EVC: variants seen among roughly 807,000 people sequenced by gnomAD.
EVC encodes evC complex member EVC.
EVC carries 116 observed loss-of-function variants against 118.9 expected under a neutral mutation model. The observed-to-expected ratio is 0.98, with a 90% CI of 0.84 to 1.14. EVC has a LOEUF of 1.14. EVC is among the 50% of genes most tolerant of loss of function. EVC has a pLI of 0.00. For missense variants in EVC, 1,401 were observed against 1,246.4 expected, an observed-to-expected ratio of 1.12 and a Z score of -1.87; for synonymous variants, 619 against 534.7, an observed-to-expected ratio of 1.16 and a Z score of -2.18.
chr4:5,808,346 G>A lies in EVC; in HGVS notation c.2688+19G>A, dbSNP rs1716343977. 6.2e-7 allele frequency: 1 copy of A among 1,614,044 alleles called. No homozygotes were observed. The highest frequency in any genetic ancestry group is 1.7e-5 in the Admixed American group (1 of 59,996). On this transcript the variant is annotated intron_variant, in intron 18 of 20. Coordinates refer to ENST00000264956, the MANE Select transcript of EVC (RefSeq NM_153717.3). ...GCTACAGGTACAAGTTACAGAACTG[G>A]ACCTTCCAAAAGCAGTGGTTTAAAG...
At chr4:5,716,988 C>A (rs902614804) in intron 1 of EVC, among the ~76,000 whole-genome samples, 4 of 151,160 alleles carry the variant, frequency 2.6e-5, no homozygotes, top group African/African-American at 7.2e-5. Flanking sequence ...AGTCATTTGT[C>A]ATCCACGGTG....
rs1336644331 is a variant in EVC, at chr4:5,798,817, G to A, written c.2304+25G>A. ...GGTATGCACTGACCTCTGTCCCTGG[G>A]GACACCGAGGGCAAGAATGTTCAGG... is the stretch of plus-strand genomic sequence containing the variant. On this transcript the variant is annotated intron_variant, in intron 15 of 20. Coordinates refer to ENST00000264956, the MANE Select transcript of EVC (RefSeq NM_153717.3). The surrounding 1 kb of genome is among the most constrained non-coding windows in gnomAD (Gnocchi z 4.1). The A allele has an allele frequency of 6.2e-7, 1 of 1,601,990 alleles. No homozygotes were observed. The highest frequency in any genetic ancestry group is 1.7e-5 in the Admixed American group (1 of 58,904).
intron 11 of EVC, among the ~76,000 whole-genome samples, chr4:5,757,921 C>G (rs1008774605): frequency 1.3e-5 from 2 of 152,152 alleles, no homozygotes. Flanking sequence ...CAATTTAGTC[C>G]AAACAGTGTC....
rs181162026 is a variant in EVC at position 5,784,563 on chromosome 4, A to G, written c.1776+799A>G. Among the ~76,000 whole-genome samples the G allele has an allele frequency of 4.4e-3, 665 of 152,012 alleles. 5 individuals are homozygous for G. Among genetic ancestry groups the G allele is most frequent in the African/African-American group, 0.015 (638 of 41,454 alleles). On this transcript the variant is annotated intron_variant, in intron 12 of 20. Coordinates refer to ENST00000264956, the MANE Select transcript of EVC (RefSeq NM_153717.3). ...GTTGTTTTCAGCTACAGCTTGTAGCAATGTGGAACAGCAGCAATAGGAAAC... is the reference window on the plus strand; with the variant it reads ...GTTGTTTTCAGCTACAGCTTGTAGCGATGTGGAACAGCAGCAATAGGAAAC...
At chr4:5,770,169 C>A (rs1455655014) in intron 11 of EVC, among the ~76,000 whole-genome samples, 1 of 152,112 alleles carries the variant, frequency 6.6e-6, no homozygotes, top group Non-Finnish European at 1.5e-5. Flanking sequence ...CAGAGTGTCA[C>A]CAAGCAGGGA....
downstream of EVC, among the ~76,000 whole-genome samples, chr4:5,817,041 T>A (rs1577691612): frequency 6.6e-6 from 1 of 152,194 alleles, no homozygotes; most frequent in South Asian, 2.1e-4. Flanking sequence ...AAGGAATCAG[T>A]GAGGCTGAGG....
chr4:5,817,676 G>A (rs1717918474), downstream of EVC, among the ~76,000 whole-genome samples: 1 of 152,184 alleles, frequency 6.6e-6, no homozygotes, highest in African/African-American at 2.4e-5. Context: ...CTGTCAATGG[G>A]CATCACGGCC....
chr4:5,802,696 TA>T lies in EVC; in HGVS notation c.2449+603del, dbSNP rs145285751. On this transcript the variant is annotated intron_variant, in intron 16 of 20. Coordinates refer to ENST00000264956, the MANE Select transcript of EVC (RefSeq NM_153717.3). ...GATCCCTCGCATGTGCAGTTTGAAA[TA>T]GGGTTCACGCTCCTATGAGACTCTG... Among the ~76,000 whole-genome samples, 113 of 152,212 alleles carry T rather than the reference TA, an allele frequency of 7.4e-4. 2 individuals are homozygous for T. The East Asian group carries it at 0.02, about 27-fold the overall frequency.
At chr4:5,725,476 G>A (rs1056687735) in intron 2 of EVC, among the ~76,000 whole-genome samples, 6 of 152,154 alleles carry the variant, frequency 3.9e-5, no homozygotes, top group African/African-American at 1.4e-4. Flanking sequence ...AATGATCAGT[G>A]ATGTTGAGCT....
At chr4:5,729,413 T>C in intron 3 of EVC, 23 bp downstream of exon 3, 1 of 1,608,902 alleles carries the variant, frequency 6.2e-7, no homozygotes, top group Non-Finnish European at 8.5e-7. Context: ...AGCTCCATCA[T>C]AGAAAGCCAG....
intron 11 of EVC, among the ~76,000 whole-genome samples, chr4:5,776,026 T>G (rs1246583343): frequency 2.0e-5 from 3 of 151,996 alleles, no homozygotes; most frequent in Non-Finnish European, 4.4e-5. Context: ...TAGCTGTTGT[T>G]TTTTTTTAAT....
Position 5,810,343 on chromosome 4 carries a change from G to C in EVC, c.2787G>C (p.Lys929Asn). The C allele has an allele frequency of 6.2e-7, 1 of 1,612,918 alleles. No homozygotes were observed. The highest frequency in any genetic ancestry group is 1.1e-5 in the South Asian group (1 of 90,740). ...GGGTTCATCTGTCCTCTACAGAGAA[G>C]CCCCTAAGGACTAAAAGGAAGAAGC... The part of the protein sequence containing the change: ...LLPAKRGLLE[K>N]PLRTKRKKPL... The change falls in exon 20 of 21, where the codon AAG becomes AAC. Residue 929 changes from lysine to asparagine, a missense_variant. Physicochemically the swap from Lys to Asn is moderately conservative, Grantham distance 94. Transcript: ENST00000264956.
intron 11 of EVC, among the ~76,000 whole-genome samples, chr4:5,776,197 A>G (rs1343302412): frequency 6.6e-6 from 1 of 151,664 alleles, no homozygotes; most frequent in African/African-American, 2.4e-5. Context: ...TGATTTGGTA[A>G]TGTTATTAAC....
intron 12 of EVC, among the ~76,000 whole-genome samples, chr4:5,784,915 A>AT (rs1736196459): frequency 6.6e-6 from 1 of 152,008 alleles, no homozygotes; most frequent in Non-Finnish European, 1.5e-5. Flanking sequence ...GCCCAGATTG[A>AT]TTTTATCTTT....
chr4:5,743,800 A>G lies in EVC; in HGVS notation c.802-1404A>G, dbSNP rs982547170. On this transcript the variant is annotated intron_variant, in intron 6 of 20. Coordinates refer to ENST00000264956, the MANE Select transcript of EVC (RefSeq NM_153717.3). This position sits in a 1 kb window ranked among gnomAD's most constrained non-coding sequence, Gnocchi z 4.7. ...CATTATTTCATTTAATAGTTATGACAGCCCTGTGAGTGGCCATTGTTATTT... is the reference window on the plus strand; with the variant it reads ...CATTATTTCATTTAATAGTTATGACGGCCCTGTGAGTGGCCATTGTTATTT... Among the ~76,000 whole-genome samples, 1 of 152,210 alleles carries G rather than the reference A, an allele frequency of 6.6e-6. No homozygotes were observed. Among genetic ancestry groups the G allele is most frequent in the African/African-American group, 2.4e-5 (1 of 41,462 alleles).
Position 5,756,198 on chromosome 4 carries a change from C to A in EVC, c.1465-66C>A, listed in dbSNP as rs1328999888. On this transcript the variant is annotated intron_variant, in intron 10 of 20. Transcript: ENST00000264956. The surrounding 1 kb of genome is among the most constrained non-coding windows in gnomAD (Gnocchi z 4.2). ...TGAGATGCAGGGGATGGTTGGAGAACCTTCTGGAAAAAAAAAAAAAAACCC... is the reference window on the plus strand; with the variant it reads ...TGAGATGCAGGGGATGGTTGGAGAAACTTCTGGAAAAAAAAAAAAAAACCC... 19 of 1,276,946 alleles carry A rather than the reference C, an allele frequency of 1.5e-5. No individual in the cohort carries two copies. The African/African-American group carries it at 2.3e-4, about 15-fold the overall frequency. The allele number at this position is 1,276,946 out of a possible 1,614,324, so 79.1% of individuals were successfully genotyped here.
chr4:5,748,316 G>C lies in EVC; in HGVS notation c.1098+10G>C. On this transcript the variant is annotated intron_variant, in intron 8 of 20. Transcript: ENST00000264956. The stretch of plus-strand genomic sequence containing the variant: ...GGAGCTGCAGGCTCTGGTAATGCTG[G>C]AGGGGGCGGGAGGGAACATAAAGAT... 6.2e-7 allele frequency: 1 copy of C among 1,613,902 alleles called. No individual in the cohort carries two copies. The highest frequency in any genetic ancestry group is 8.5e-7 in the Non-Finnish European group (1 of 1,179,906).
chr4:5,750,659 G>A (rs1007667274), intron 8 of EVC, among the ~76,000 whole-genome samples: 2 of 152,180 alleles, frequency 1.3e-5, no homozygotes, highest in Non-Finnish European at 2.9e-5. Context: ...GTAGTTGAGG[G>A]TGTTAAAGAC....
At chr4:5,721,430 T>C (rs1724939288) in intron 2 of EVC, among the ~76,000 whole-genome samples, 2 of 152,200 alleles carry the variant, frequency 1.3e-5, no homozygotes, top group Non-Finnish European at 2.9e-5. Flanking sequence ...TAGGATTCCA[T>C]TCCTGTGAAA....
Sources: allele counts gnomAD v4.1 joint callset (sites outside exome capture counted in the v4.1 genomes callset), GRCh38; gene constraint gnomAD v4.1.1; non-coding constraint Gnocchi (gnomAD v3.1); transcripts MANE v1.5; gene names NCBI Gene and HGNC (gene_info 2026-07-23, HGNC 2026-07-21).